Variants in BRWD1 observed in about 807,000 individuals in gnomAD.
BRWD1 encodes bromodomain and WD repeat domain containing 1, also known as bromodomain and WD repeat-containing protein 1.
A neutral mutation model predicts 251.2 loss-of-function variants in BRWD1; 82 were observed. The observed-to-expected ratio is 0.33, with a 90% confidence interval of 0.27 to 0.39. The LOEUF (loss-of-function observed/expected upper bound fraction) is 0.39. BRWD1 is among the 10% of genes least tolerant of loss of function. The pLI, the probability that BRWD1 is intolerant of heterozygous loss-of-function variation, is 1.00. For synonymous variants in BRWD1, 918 were observed against 902.8 expected (o/e 1.02, Z -0.30); for missense variants, 2,233 against 2,711.6 (o/e 0.82, Z 3.92).
intron 12 of BRWD1, 152 bp downstream of exon 12, chr21:39,276,021 A>T: frequency 1.7e-6 from 1 of 574,882 alleles, no homozygotes; most frequent in Non-Finnish European, 2.4e-6. Flanking sequence ...AACGAGAGCG[A>T]AACTCCATCT....
intron 1 of BRWD1, among the ~76,000 whole-genome samples, chr21:39,319,925 C>T (rs2036731777): frequency 6.6e-6 from 1 of 152,070 alleles, no homozygotes; most frequent in Non-Finnish European, 1.5e-5. Flanking sequence ...AATCCTGTCA[C>T]TACTTTTAAA....
intron 8 of BRWD1, among the ~76,000 whole-genome samples, chr21:39,286,520 CT>C (rs1010358852): frequency 5.7e-4 from 79 of 137,448 alleles, no homozygotes; most frequent in East Asian, 1.2e-3. Flanking sequence ...AGTATTTGTA[CT>C]TTTTTTTTTT....
chr21:39,197,061 G>C lies in BRWD1; in HGVS notation c.6008C>G (p.Ser2003Cys). 6.2e-7 allele frequency: 1 copy of C among 1,614,074 alleles called. No individual in the cohort carries two copies. The highest frequency in any genetic ancestry group is 1.3e-5 in the African/African-American group (1 of 75,022). ...ACTAAGCACTTTTGTACTACCTTCGGAGTCAGGATCAGGTGGCTTGCCTTC... is the reference window on the plus strand; with the variant it reads ...ACTAAGCACTTTTGTACTACCTTCGCAGTCAGGATCAGGTGGCTTGCCTTC... ...ACEGKPPDPD[S>C]EGSTKVLSQA... Residue 2003 changes from serine to cysteine, a missense_variant, in exon 41 of 41, where the codon TCC (serine) becomes TGC (cysteine). Around this residue, in one of 12 missense-constraint regions of BRWD1, gnomAD observed 928 missense variants for 970.0 expected, o/e 0.96. Transcript: ENST00000342449.
At chr21:39,233,780 G>C (rs2033710068) in intron 23 of BRWD1, among the ~76,000 whole-genome samples, 1 of 152,232 alleles carries the variant, frequency 6.6e-6, no homozygotes, top group South Asian at 2.1e-4. Flanking sequence ...AGCACTCTGG[G>C]AGGCTGAGGC....
Position 39,187,458 on chromosome 21 carries a change from G to C in BRWD1, c.*8801C>G, listed in dbSNP as rs1480269021. 3 of 1,510,836 alleles carry C rather than the reference G, an allele frequency of 2.0e-6. No individual in the cohort carries two copies. The highest frequency in any genetic ancestry group is 2.4e-5 in the Admixed American group (1 of 42,198). The allele number at this position is 1,510,836 out of a possible 1,614,324, so 93.6% of individuals were successfully genotyped here. On this transcript the variant is annotated 3_prime_UTR_variant, in exon 41 of 41. Transcript: ENST00000342449. ...AAGTTCATGTAAATGCAAAAATCTT[G>C]TAACACAAGATTTTACTACTGCTAA...
intron 15 of BRWD1, among the ~76,000 whole-genome samples, 181 bp downstream of exon 15, chr21:39,269,718 A>G (rs929238319): frequency 2.0e-5 from 3 of 152,218 alleles, no homozygotes; most frequent in Non-Finnish European, 2.9e-5. Context: ...TCAGTCATAC[A>G]GAGAATTTCA....
intron 15 of BRWD1, among the ~76,000 whole-genome samples, chr21:39,267,712 A>G (rs1601421287): frequency 6.6e-6 from 1 of 152,322 alleles, no homozygotes; most frequent in East Asian, 1.9e-4. Flanking sequence ...CTTTTACACA[A>G]TAATTCCTTC....
In BRWD1 at chr21:39,189,515, ATACT is replaced by A; in HGVS notation, c.*6740_*6743del. 1.0e-6 allele frequency: 1 copy of A among 981,962 alleles called. No individual in the cohort carries two copies. Among genetic ancestry groups the A allele is most frequent in the Non-Finnish European group, 1.2e-6 (1 of 826,748 alleles). The allele number at this position is 981,962 out of a possible 1,614,324, so 60.8% of individuals were successfully genotyped here. A position where few individuals can be genotyped will look rare whatever the true frequency, so the allele number is the denominator to read the frequency against. ...AAAACTAAAATCAGGTTTTTAAAAAATACTTAAGGAAATTTGAACTTCAGTAACT... is the reference window on the plus strand; with the variant it reads ...AAAACTAAAATCAGGTTTTTAAAAAATAAGGAAATTTGAACTTCAGTAACT... On this transcript the variant is annotated 3_prime_UTR_variant, in exon 41 of 41. Transcript: ENST00000342449.
Position 39,191,998 on chromosome 21 carries a change from A to T in BRWD1, c.*4261T>A. 2 of 985,264 alleles carry T rather than the reference A, an allele frequency of 2.0e-6. No individual in the cohort carries two copies. Among genetic ancestry groups the T allele is most frequent in the Non-Finnish European group, 2.4e-6 (2 of 829,796 alleles). The allele number at this position is 985,264 out of a possible 1,614,324, so 61.0% of individuals were successfully genotyped here. ...ATGTTGCCAAAGATAGAGCCTGCAGATTGGTAGAATCCAAATGATGTGACT... is the reference window on the plus strand; with the variant it reads ...ATGTTGCCAAAGATAGAGCCTGCAGTTTGGTAGAATCCAAATGATGTGACT... On this transcript the variant is annotated 3_prime_UTR_variant, in exon 41 of 41. Coordinates refer to ENST00000342449, the MANE Select transcript of BRWD1 (RefSeq NM_033656.4).
chr21:39,270,514 TAAAG>T (rs2035064991), intron 13 of BRWD1, 81 bp from the exon 14 acceptor site: 2 of 1,213,752 alleles, frequency 1.6e-6, no homozygotes, highest in Non-Finnish European at 2.2e-6. Context: ...AATACAAAAA[TAAAG>T]AAATCCAACC....
chr21:39,246,809 G>A (rs570218504), intron 21 of BRWD1, among the ~76,000 whole-genome samples: 90 of 152,314 alleles, frequency 5.9e-4, no homozygotes, highest in Non-Finnish European at 1.1e-3. Flanking sequence ...CCGGCTGGGC[G>A]TGGTGGCTCA....
At chr21:39,296,099 T>C (rs950999425) in intron 6 of BRWD1, among the ~76,000 whole-genome samples, 166 bp downstream of exon 6, 1 of 152,322 alleles carries the variant, frequency 6.6e-6, no homozygotes, top group African/African-American at 2.4e-5. Flanking sequence ...TTATTAATTT[T>C]ATTTTTAGTA....
At chr21:39,276,061 T>C (rs2035271068) in intron 12 of BRWD1, 112 bp downstream of exon 12, 1 of 879,122 alleles carries the variant, frequency 1.1e-6, no homozygotes, top group Non-Finnish European at 1.5e-6. Context: ...TAAATAATCA[T>C]AATAATATAA....
At chr21:39,214,399 A>C (rs76763875) in intron 32 of BRWD1, among the ~76,000 whole-genome samples, 2,320 of 152,266 alleles carry the variant, frequency 0.015, 57 homozygotes, top group African/African-American at 0.053. Flanking sequence ...ACCAAACAAA[A>C]TCCAATTAAA....
intron 8 of BRWD1, among the ~76,000 whole-genome samples, chr21:39,286,603 C>T (rs958559769): frequency 6.6e-6 from 1 of 151,802 alleles, no homozygotes; most frequent in Non-Finnish European, 1.5e-5. Flanking sequence ...CAACCTCCAC[C>T]TCCCGGCTTC....
chr21:39,314,351 A>C, upstream of BRWD1: 1 of 455,636 alleles, frequency 2.2e-6, no homozygotes, highest in Admixed American at 2.4e-5. Flanking sequence ...CGCTTCGCCG[A>C]GGGGGTGCGA....
intron 15 of BRWD1, among the ~76,000 whole-genome samples, chr21:39,266,468 C>T (rs901253156): frequency 3.3e-5 from 5 of 152,112 alleles, no homozygotes; most frequent in African/African-American, 1.2e-4. Context: ...AAAGCAGATG[C>T]CAGTGGGGAG....
Position 39,202,441 on chromosome 21 carries a change from T to A in BRWD1, c.4469A>T (p.His1490Leu). 1 of 1,613,942 alleles carries A rather than the reference T, an allele frequency of 6.2e-7. No individual in the cohort carries two copies. Among genetic ancestry groups the A allele is most frequent in the Non-Finnish European group, 8.5e-7 (1 of 1,179,810 alleles). Residue 1490 changes from histidine (H) to leucine (L), a missense_variant, in exon 38 of 41, where the codon CAC (histidine) becomes CTC (leucine). Transcript: ENST00000342449. ...TGAAGAGATACCAGCACTTGTCTTG[T>A]GGGTTCCAAGATAAGCTGTCCTACT... Reference protein sequence around the residue: ...TSSRTAYLGTHKTSAGISSGV... With the variant: ...TSSRTAYLGTLKTSAGISSGV...
intron 23 of BRWD1, among the ~76,000 whole-genome samples, chr21:39,236,215 G>GC (rs2033806101): frequency 6.6e-6 from 1 of 152,172 alleles, no homozygotes; most frequent in African/African-American, 2.4e-5. Context: ...AAAGGACTCC[G>GC]CATCTGTGAA....
Sources: allele counts gnomAD v4.1 joint callset (sites outside exome capture counted in the v4.1 genomes callset), GRCh38; gene constraint gnomAD v4.1.1; regional missense constraint gnomAD v4.1.1; transcripts MANE v1.5; gene names NCBI Gene and HGNC (gene_info 2026-07-23, HGNC 2026-07-21).